Variants in LAMB4 observed in about 807,000 individuals in gnomAD.
LAMB4 encodes the protein laminin subunit beta 4, also known as laminin subunit beta-4.
LAMB4 carries 196 observed loss-of-function variants against 199.2 expected under a neutral mutation model. The ratio of observed to expected loss-of-function variants is 0.98; its 90% confidence interval spans 0.88 to 1.11. The LOEUF (loss-of-function observed/expected upper bound fraction) is 1.11, where lower values mean the gene tolerates loss of function less well. Ranked by LOEUF, LAMB4 falls within the 50% of genes least tolerant of loss-of-function variation. LAMB4 has a pLI of 0.00. For missense variants in LAMB4, 2,080 were observed against 2,171.2 expected (o/e 0.96, Z 0.83); for synonymous variants, 744 against 770.6 (o/e 0.97, Z 0.57).
At chr7:108,093,864 A>T (rs191040746) in intron 12 of LAMB4, among the ~76,000 whole-genome samples, 166 of 152,344 alleles carry the variant, frequency 1.1e-3, no homozygotes, top group Non-Finnish European at 1.8e-3. Flanking sequence ...TTAAACATTG[A>T]TGTCTTTGGA....
intron 17 of LAMB4, among the ~76,000 whole-genome samples, chr7:108,074,946 T>C (rs1252914787): frequency 6.6e-6 from 1 of 152,218 alleles, no homozygotes; most frequent in Non-Finnish European, 1.5e-5. Context: ...GGATATAGAT[T>C]GAAAATCAAG....
chr7:108,020,504 A>G (rs947264391), downstream of LAMB4, among the ~76,000 whole-genome samples: 7 of 151,172 alleles, frequency 4.6e-5, no homozygotes, highest in Admixed American at 1.3e-4. Context: ...AAGAAAAAGT[A>G]TGCATGTTGT....
At chr7:108,075,050 T>C (rs549498547) in intron 17 of LAMB4, among the ~76,000 whole-genome samples, 1 of 152,336 alleles carries the variant, frequency 6.6e-6, no homozygotes, top group South Asian at 2.1e-4. Context: ...TCTTCCATTC[T>C]CTTTAATTTG....
chr7:108,102,459 G>A (rs1379076543), intron 10 of LAMB4, among the ~76,000 whole-genome samples: 1 of 152,158 alleles, frequency 6.6e-6, no homozygotes, highest in Non-Finnish European at 1.5e-5. Context: ...AGACAAATGG[G>A]ACAGTTGTGT....
chr7:108,114,108 C>G (rs1323281093), intron 3 of LAMB4, among the ~76,000 whole-genome samples: 1 of 152,092 alleles, frequency 6.6e-6, no homozygotes, highest in Non-Finnish European at 1.5e-5. Context: ...AAGCAAATGC[C>G]AGTGGGAGAA....
At chr7:108,127,706 C>G (rs1370622692) in intron 1 of LAMB4, among the ~76,000 whole-genome samples, 1 of 152,108 alleles carries the variant, frequency 6.6e-6, no homozygotes, top group Non-Finnish European at 1.5e-5. Flanking sequence ...GCCACGTGCC[C>G]TCCAGGTGAG....
intron 27 of LAMB4, 57 bp downstream of exon 27, chr7:108,049,269 G>T (rs964686860): frequency 2.9e-5 from 23 of 806,008 alleles, no homozygotes; most frequent in Non-Finnish European, 8.2e-6. Context: ...CATTGAAGAG[G>T]TTCATATACC....
At chr7:108,034,497 T>G in intron 30 of LAMB4, 151 bp from the exon 31 acceptor site, 1 of 646,630 alleles carries the variant, frequency 1.5e-6, no homozygotes, top group South Asian at 2.2e-5. Flanking sequence ...GCTGAAGTCT[T>G]CATTTTGAGA....
chr7:108,041,904 G>A (rs532140389), intron 29 of LAMB4, among the ~76,000 whole-genome samples: 28 of 152,194 alleles, frequency 1.8e-4, no homozygotes, highest in South Asian at 8.3e-4. Context: ...AAAAAAGTTC[G>A]AATGAAAAGT....
intron 32 of LAMB4, among the ~76,000 whole-genome samples, chr7:108,029,869 C>G (rs2034969413): frequency 1.3e-5 from 2 of 152,150 alleles, no homozygotes; most frequent in Non-Finnish European, 2.9e-5. Context: ...CCTGTAATCC[C>G]AGCACTTTAG....
chr7:108,104,607 A>G lies in LAMB4; in HGVS notation c.883T>C (p.Cys295Arg), dbSNP rs201679914. The G allele has an allele frequency of 6.2e-7, 1 of 1,614,108 alleles. No individual in the cohort carries two copies. Among genetic ancestry groups the G allele is most frequent in the African/African-American group, 1.3e-5 (1 of 75,046 alleles). Residue 295 changes from cysteine to arginine, a missense_variant, in exon 9 of 34, where the codon TGT becomes CGT. By Grantham distance (180) the Cys-to-Arg change is radical. Coordinates refer to ENST00000388781, the MANE Select transcript of LAMB4 (RefSeq NM_007356.3). Reference protein sequence around the residue: ...FSPPGMVHGQCVCQHNTDGPN... With the variant: ...FSPPGMVHGQRVCQHNTDGPN... ...CCATCTGTATTGTGCTGACACACAC[A>G]CTGACCGTGAACCTGCATTGTGCAA...
intron 23 of LAMB4, among the ~76,000 whole-genome samples, chr7:108,061,739 C>CAAA (rs60564725): frequency 4.0e-5 from 3 of 74,330 alleles, no homozygotes; most frequent in Admixed American, 1.6e-4. Flanking sequence ...ACTCTTGTCT[C>CAAA]AAAAAAAAAA....
chr7:108,102,971 G>A (rs1400832479), intron 10 of LAMB4, 73 bp downstream of exon 10: 2 of 1,329,468 alleles, frequency 1.5e-6, no homozygotes, highest in Non-Finnish European at 2.0e-6. Flanking sequence ...GATAAGGTGC[G>A]GGCAGCCCCA....
At chr7:108,042,521 T>C (rs2035453749) in intron 29 of LAMB4, among the ~76,000 whole-genome samples, 1 of 152,112 alleles carries the variant, frequency 6.6e-6, no homozygotes, top group Admixed American at 6.6e-5. Flanking sequence ...AGCCTATTCC[T>C]AGACCTGGGT....
intron 17 of LAMB4, 47 bp downstream of exon 17, chr7:108,076,897 G>T (rs371801887): frequency 1.9e-6 from 3 of 1,595,812 alleles, no homozygotes; most frequent in Non-Finnish European, 2.6e-6. Flanking sequence ...TAGTTATAAC[G>T]GTGCTTAGTA....
chr7:108,048,065 C>T lies in LAMB4; in HGVS notation c.4169G>A (p.Gly1390Asp), dbSNP rs867032755. 1 of 1,614,152 alleles carries T rather than the reference C, an allele frequency of 6.2e-7. No homozygotes were observed. Among genetic ancestry groups the T allele is most frequent in the East Asian group, 2.2e-5 (1 of 44,882 alleles). The change falls in exon 28 of 34, where the codon GGC (glycine) becomes GAC (aspartate). Residue 1390 changes from glycine to aspartate, a missense_variant. Gly to Asp is a moderately conservative substitution (Grantham distance 94, BLOSUM62 -1). Transcript: ENST00000388781. The stretch of plus-strand genomic sequence containing the variant: ...CTTCCGGCCCGTGCAGAGAGCACCG[C>T]CACAGGGCAAGGGCACACATGGCAC... ...GNVPCVPLPC[G>D]GALCTGRKGH...
chr7:108,120,050 C>G (rs541117983), intron 2 of LAMB4, among the ~76,000 whole-genome samples: 1 of 152,284 alleles, frequency 6.6e-6, no homozygotes, highest in South Asian at 2.1e-4. Context: ...TCTAGCTGCT[C>G]TTATACACTT....
chr7:108,069,664 A>G, intron 18 of LAMB4, 44 bp downstream of exon 18: 4 of 1,555,890 alleles, frequency 2.6e-6, no homozygotes, highest in Non-Finnish European at 3.5e-6. Flanking sequence ...AAGCATTTGT[A>G]TGGATGTCAG....
rs764871012 is a variant in LAMB4 at position 108,116,175 on chromosome 7, G to C, written c.35-14C>G. 3 of 1,609,552 alleles carry C rather than the reference G, an allele frequency of 1.9e-6. No homozygotes were observed. Among genetic ancestry groups the C allele is most frequent in the Non-Finnish European group, 2.5e-6 (3 of 1,176,728 alleles). ...AACTGAGCCACCCTTGAACACAACA[G>C]AAATAGCTTACACGGAAGGCAGTCT... On this transcript the variant is annotated splice_polypyrimidine_tract_variant and intron_variant, in intron 2 of 33. Transcript: ENST00000388781.
Sources: gnomAD v4.1 joint callset for allele counts (sites outside exome capture counted in the v4.1 genomes callset) on GRCh38, gnomAD v4.1.1 for gene constraint, MANE v1.5 for transcripts, NCBI Gene and HGNC (gene_info 2026-07-23, HGNC 2026-07-21) for gene names.